Variants in DNAH7 observed in about 807,000 individuals in gnomAD.
The protein encoded by DNAH7 is axonemal beta dynein heavy chain 7.
DNAH7 carries 397 observed loss-of-function variants against 444.6 expected under a neutral mutation model. The ratio of observed to expected loss-of-function variants is 0.89; its 90% CI spans 0.82 to 0.97. The LOEUF is 0.97. Ranked by LOEUF, DNAH7 falls within the 50% of genes least tolerant of loss-of-function variation. DNAH7 has a pLI of 0.00. For synonymous variants in DNAH7, 1,636 were observed against 1,624.4 expected, an observed-to-expected ratio of 1.01 and a Z score of -0.17; for missense variants, 4,902 against 4,800.8, an observed-to-expected ratio of 1.02 and a Z score of -0.62.
chr2:196,063,469 T>G (rs748960619), intron 1 of DNAH7: 1 of 152,226 alleles, frequency 6.6e-6, no homozygotes, highest in Non-Finnish European at 1.5e-5. Context: ...AAGCATTGAG[T>G]TCTTCTACTA....
At chr2:195,906,423 A>ACACACACACACACTT (rs764416021) in intron 27 of DNAH7, among the ~76,000 whole-genome samples, 13 of 147,462 alleles carry the variant, frequency 8.8e-5, no homozygotes, top group African/African-American at 2.0e-4. Flanking sequence ...ACACACACAC[A>ACACACACACACACTT]CACACACTTT....
intron 19 of DNAH7, among the ~76,000 whole-genome samples, chr2:195,945,256 A>G (rs548683709): frequency 1.3e-5 from 2 of 152,156 alleles, no homozygotes; most frequent in Non-Finnish European, 2.9e-5. Context: ...CTACTAAAAC[A>G]TAAGAACTGA....
At chr2:195,782,443 A>G (rs1274484927) in intron 58 of DNAH7, among the ~76,000 whole-genome samples, 1 of 152,236 alleles carries the variant, frequency 6.6e-6, no homozygotes, top group East Asian at 1.9e-4. Context: ...TCAGTGAAAC[A>G]TGTCATTTAA....
intron 2 of DNAH7, among the ~76,000 whole-genome samples, chr2:196,056,132 T>C (rs1697786818): frequency 6.6e-6 from 1 of 152,166 alleles, no homozygotes; most frequent in Admixed American, 6.5e-5. Context: ...AGTTCTGTGC[T>C]AGCTTCTCAC....
intron 12 of DNAH7, among the ~76,000 whole-genome samples, chr2:195,998,429 C>A (rs1203839978): frequency 6.6e-6 from 1 of 151,996 alleles, no homozygotes; most frequent in Non-Finnish European, 1.5e-5. Flanking sequence ...CAAAAAATAG[C>A]CACGCATGGT....
chr2:196,023,546 A>G (rs1695506095), intron 8 of DNAH7, among the ~76,000 whole-genome samples: 1 of 152,158 alleles, frequency 6.6e-6, no homozygotes, highest in Admixed American at 6.6e-5. Flanking sequence ...TACCTTTCTC[A>G]GCCTTTACGG....
rs187275556 is a variant in DNAH7 at position 195,847,347 on chromosome 2, T to C, written c.8782-2182A>G. 3.1e-4 allele frequency among the ~76,000 whole-genome samples: 47 copies of C among 151,882 alleles called. 1 individual carries two copies. The highest frequency in any genetic ancestry group is 8.7e-4 in the African/African-American group (36 of 41,370). On this transcript the variant is annotated intron_variant, in intron 46 of 64. Coordinates refer to ENST00000312428, the MANE Select transcript of DNAH7 (RefSeq NM_018897.3). ...TAAGATCATGTCCTCTGCAGCAACATGGATGGAACTAGAGGCCATTAACCT... is the reference window on the plus strand; with the variant it reads ...TAAGATCATGTCCTCTGCAGCAACACGGATGGAACTAGAGGCCATTAACCT...
intron 19 of DNAH7, among the ~76,000 whole-genome samples, chr2:195,953,023 T>G (rs1056856334): frequency 2.0e-5 from 3 of 152,174 alleles, no homozygotes; most frequent in Non-Finnish European, 4.4e-5. Context: ...TTCTGGTTTT[T>G]GTAATTTTCA....
intron 9 of DNAH7, among the ~76,000 whole-genome samples, chr2:196,018,348 G>C (rs1695154547): frequency 6.6e-6 from 1 of 151,522 alleles, no homozygotes; most frequent in Non-Finnish European, 1.5e-5. Context: ...AACATTTCTG[G>C]AAAAAAAATC....
chr2:196,018,157 C>A (rs183371529), intron 9 of DNAH7, among the ~76,000 whole-genome samples: 11 of 152,152 alleles, frequency 7.2e-5, no homozygotes, highest in African/African-American at 1.2e-4. Flanking sequence ...AATTCATAAT[C>A]AAATTCAAAT....
intron 46 of DNAH7, among the ~76,000 whole-genome samples, chr2:195,849,144 C>T (rs571536431): frequency 6.6e-6 from 1 of 152,224 alleles, no homozygotes; most frequent in South Asian, 2.1e-4. Context: ...ATGTTACTGT[C>T]ACTATTTATT....
At chr2:195,755,713 T>C (rs900477090) in intron 62 of DNAH7, among the ~76,000 whole-genome samples, 12 of 152,210 alleles carry the variant, frequency 7.9e-5, no homozygotes, top group Non-Finnish European at 1.6e-4. Context: ...AATTAGTAGA[T>C]AGGCTTCTGC....
At chr2:195,938,446 T>C (rs1413974874) in intron 19 of DNAH7, among the ~76,000 whole-genome samples, 1 of 151,616 alleles carries the variant, frequency 6.6e-6, no homozygotes, top group Non-Finnish European at 1.5e-5. Flanking sequence ...CAAAATAATG[T>C]TCTTAGAGTG....
chr2:196,015,396 AAAT>A (rs1283558414), intron 9 of DNAH7, among the ~76,000 whole-genome samples: 3 of 152,264 alleles, frequency 2.0e-5, no homozygotes, highest in African/African-American at 7.2e-5. Flanking sequence ...CATCTTCATC[AAAT>A]AATAAATTTT....
chr2:195,744,427 GACAA>G (rs947958891), intron 63 of DNAH7, among the ~76,000 whole-genome samples: 99 of 152,314 alleles, frequency 6.5e-4, no homozygotes, highest in Middle Eastern at 3.4e-3. Flanking sequence ...GCAGGGCACA[GACAA>G]ACAAACAAAA....
In DNAH7 at chr2:195,936,726, G is replaced by A. The variant is rs1689078893; in HGVS notation, c.3145C>T (p.Leu1049Phe). Residue 1049 changes from leucine to phenylalanine, a missense_variant, in exon 20 of 65, where the codon CTT (leucine) becomes TTT (phenylalanine). Transcript: ENST00000312428. ...MLERLKKSNE[L>F]LELILKGLNE... ...AGTCCTTTAAGAATGAGCTCCAAAA[G>A]TTCATTAGATTTTTTCAGCCTTTCC... is the stretch of plus-strand genomic sequence containing the variant. 1 of 1,600,548 alleles carries A rather than the reference G, an allele frequency of 6.2e-7. No individual in the cohort carries two copies. Among genetic ancestry groups the A allele is most frequent in the Non-Finnish European group, 8.5e-7 (1 of 1,174,636 alleles).
intron 4 of DNAH7, 82 bp from the exon 5 acceptor site, chr2:196,047,581 T>A: frequency 8.4e-7 from 1 of 1,187,068 alleles, no homozygotes; most frequent in Non-Finnish European, 1.1e-6. Context: ...AATAAGATGC[T>A]AAATCACCTT....
Position 195,873,568 on chromosome 2 carries a change from C to A in DNAH7, c.6413G>T (p.Cys2138Phe). 1 of 1,344,374 alleles carries A rather than the reference C, an allele frequency of 7.4e-7. No homozygotes were observed. Among genetic ancestry groups the A allele is most frequent in the South Asian group, 2.0e-5 (1 of 50,404 alleles). The allele number at this position is 1,344,374 out of a possible 1,614,324, so 83.3% of individuals were successfully genotyped here. A position where few individuals can be genotyped will look rare whatever the true frequency, so the allele number is the denominator to read the frequency against. ...SRILTWHLEI[C>F]YKFPDEFLDL... ...AAAAAAACAAATTTTGATTACTTAC[C>A]AGATTTCTAAATGCCAAGTTAAGAT... The change falls in exon 39 of 65, where the codon TGT becomes TTT. Residue 2138 changes from cysteine to phenylalanine, a missense_variant and splice_region_variant. Coordinates refer to ENST00000312428, the MANE Select transcript of DNAH7 (RefSeq NM_018897.3).
At chr2:195,947,838 T>C (rs1035055515) in intron 19 of DNAH7, among the ~76,000 whole-genome samples, 1 of 152,190 alleles carries the variant, frequency 6.6e-6, no homozygotes, top group African/African-American at 2.4e-5. Flanking sequence ...CAAATGGTAT[T>C]TCTGGTCCTA....
Sources: allele counts gnomAD v4.1 joint callset (sites outside exome capture counted in the v4.1 genomes callset), GRCh38; gene constraint gnomAD v4.1.1; transcripts MANE v1.5; gene names NCBI Gene and HGNC (gene_info 2026-07-23, HGNC 2026-07-21).